UNC5D: variants seen among roughly 807,000 people sequenced by gnomAD.
UNC5D encodes the protein netrin receptor UNC5D.
In UNC5D, 39 loss-of-function variants were observed where a neutral mutation model predicts 105.4. That is an observed-to-expected ratio of 0.37 (90% CI 0.29 to 0.48). The LOEUF is 0.48. Ranked by LOEUF, UNC5D falls within the 20% of genes least tolerant of loss-of-function variation. The pLI is 0.98. For missense variants in UNC5D, 991 were observed against 1,202.4 expected, an observed-to-expected ratio of 0.82 and a Z score of 2.60; for synonymous variants, 452 against 450.4, an observed-to-expected ratio of 1.00 and a Z score of -0.04.
intron 3 of UNC5D, among the ~76,000 whole-genome samples, chr8:35,592,596 T>G (rs1009102170): frequency 6.6e-6 from 1 of 152,190 alleles, no homozygotes; most frequent in Non-Finnish European, 1.5e-5. Flanking sequence ...CTAACTTGAA[T>G]TTGTTGGTAA....
intron 4 of UNC5D, among the ~76,000 whole-genome samples, chr8:35,612,791 G>A (rs1357645115): frequency 8.5e-6 from 1 of 117,336 alleles, no homozygotes; most frequent in Non-Finnish European, 1.6e-5. Context: ...TGTAAAAAAA[G>A]GTTTTGAGAA....
rs181995102 is a variant in UNC5D, at chr8:35,337,585, G to A, written c.103+101698G>A. Among the ~76,000 whole-genome samples the A allele has an allele frequency of 7.4e-4, 112 of 152,278 alleles. 2 individuals are homozygous for A. Among genetic ancestry groups the A allele is most frequent in the Middle Eastern group, 3.4e-3 (1 of 294 alleles). ...GGGAATATGCCCCGATTTGTGGGCA[G>A]TTCTTCTTAGCATTCTACTGTGGTA... On this transcript the variant is annotated intron_variant, in intron 1 of 16. Coordinates refer to ENST00000404895, the MANE Select transcript of UNC5D (RefSeq NM_080872.4).
At chr8:35,297,878 C>T (rs1010130179) in intron 1 of UNC5D, among the ~76,000 whole-genome samples, 2 of 152,038 alleles carry the variant, frequency 1.3e-5, no homozygotes, top group African/African-American at 4.8e-5. Context: ...TGACAGCATT[C>T]CACGACTTCC....
chr8:35,676,434 C>T (rs376488703), intron 4 of UNC5D, among the ~76,000 whole-genome samples: 3 of 152,124 alleles, frequency 2.0e-5, no homozygotes, highest in Non-Finnish European at 4.4e-5. Flanking sequence ...AATGTTAGGC[C>T]TCTCTGTCAG....
intron 1 of UNC5D, among the ~76,000 whole-genome samples, chr8:35,516,806 G>C (rs10216851): frequency 0.12 from 18,076 of 152,160 alleles, 1,402 homozygotes; most frequent in East Asian, 0.27. Flanking sequence ...CAGTGTCCAA[G>C]TGTATGAGGA....
intron 4 of UNC5D, among the ~76,000 whole-genome samples, chr8:35,663,807 A>G (rs1291078518): frequency 6.6e-6 from 1 of 152,170 alleles, no homozygotes; most frequent in Non-Finnish European, 1.5e-5. Context: ...TGGTATAGTT[A>G]TTTATTTTGA....
At position 35,275,203 on chromosome 8, in the gene UNC5D, C is replaced by T. The variant is rs1389533240; in HGVS notation, c.103+39316C>T. On this transcript the variant is annotated intron_variant, in intron 1 of 16. Transcript: ENST00000404895. ...GCACTCTTCCCCTTTCACTTGCTCC[C>T]TCCTTTTGTGCTACCTATTTTGACC... 2.0e-5 allele frequency among the ~76,000 whole-genome samples: 3 copies of T among 151,730 alleles called. No individual in the cohort carries two copies. The East Asian group carries it at 5.8e-4, about 29-fold the overall frequency.
intron 7 of UNC5D, among the ~76,000 whole-genome samples, chr8:35,693,913 T>G (rs938089284): frequency 1.3e-5 from 2 of 151,970 alleles, no homozygotes; most frequent in African/African-American, 4.8e-5. Context: ...ACACCTCCAC[T>G]GTAAGTAAGG....
At chr8:35,242,267 A>G (rs1169035841) in intron 1 of UNC5D, among the ~76,000 whole-genome samples, 1 of 152,124 alleles carries the variant, frequency 6.6e-6, no homozygotes, top group African/African-American at 2.4e-5. Flanking sequence ...ATTGAATGCT[A>G]TGGCTTCCCA....
chr8:35,703,362 A>G (rs1047858185), intron 7 of UNC5D, among the ~76,000 whole-genome samples: 2 of 152,152 alleles, frequency 1.3e-5, no homozygotes, highest in Admixed American at 6.5e-5. Context: ...TTGTATTCCC[A>G]TTTTACTGTG....
At chr8:35,414,532 A>C (rs1563395009) in intron 1 of UNC5D, among the ~76,000 whole-genome samples, 1 of 151,558 alleles carries the variant, frequency 6.6e-6, no homozygotes, top group Non-Finnish European at 1.5e-5. Context: ...ATTAAACCCC[A>C]AAACTAGGAT....
intron 1 of UNC5D, among the ~76,000 whole-genome samples, chr8:35,278,254 ACT>A (rs1805906833): frequency 1.3e-5 from 2 of 152,110 alleles, no homozygotes; most frequent in Non-Finnish European, 2.9e-5. Flanking sequence ...CTCTGGCCAC[ACT>A]CATCAGCAGC....
At chr8:35,285,661 A>T (rs984459689) in intron 1 of UNC5D, among the ~76,000 whole-genome samples, 1 of 152,192 alleles carries the variant, frequency 6.6e-6, no homozygotes, top group African/African-American at 2.4e-5. Flanking sequence ...TCACTGCTGT[A>T]TACAGGTTAA....
chr8:35,479,496 C>A (rs1214033543), intron 1 of UNC5D, among the ~76,000 whole-genome samples: 1 of 152,126 alleles, frequency 6.6e-6, no homozygotes, highest in Non-Finnish European at 1.5e-5. Context: ...CACATGTATT[C>A]ATCGCAGCAC....
At chr8:35,443,164 C>T (rs1266193629) in intron 1 of UNC5D, among the ~76,000 whole-genome samples, 2 of 151,754 alleles carry the variant, frequency 1.3e-5, no homozygotes, top group Non-Finnish European at 2.9e-5. Flanking sequence ...ACCCAAGTAA[C>T]CGTATTTAAT....
At chr8:35,370,886 C>T (rs559134556) in intron 1 of UNC5D, among the ~76,000 whole-genome samples, 21 of 152,160 alleles carry the variant, frequency 1.4e-4, no homozygotes, top group Non-Finnish European at 1.9e-4. Flanking sequence ...TTACAGTGTA[C>T]TTGTGAAGAC....
chr8:35,749,989 T>TAAAAAAAAAAAA (rs11380512), intron 12 of UNC5D, among the ~76,000 whole-genome samples: 3,891 of 136,560 alleles, frequency 0.028, 296 homozygotes, highest in African/African-American at 0.092. Flanking sequence ...GAAATAGTTG[T>TAAAAAAAAAAAA]AAAAAAAAAA....
chr8:35,337,346 A>G (rs1015453016), intron 1 of UNC5D, among the ~76,000 whole-genome samples: 1 of 152,242 alleles, frequency 6.6e-6, no homozygotes, highest in Non-Finnish European at 1.5e-5. Context: ...TCTTAGAGAC[A>G]GAGGAAACTT....
chr8:35,765,983 C>T (rs1052085083), intron 14 of UNC5D, among the ~76,000 whole-genome samples: 2 of 152,102 alleles, frequency 1.3e-5, no homozygotes, highest in African/African-American at 4.8e-5. Context: ...AGGAGAGAGG[C>T]TTTTTAGTAC....
Sources: allele counts gnomAD v4.1 joint callset (sites outside exome capture counted in the v4.1 genomes callset), GRCh38; gene constraint gnomAD v4.1.1; transcripts MANE v1.5; gene names NCBI Gene and HGNC (gene_info 2026-07-23, HGNC 2026-07-21).